The following ZNF287 variants were observed in gnomAD, a reference collection of about 807,000 sequenced individuals.
ZNF287 encodes zinc finger protein 287, also known as zinc finger protein with KRAB and SCAN domains 13.
ZNF287 carries 31 observed loss-of-function variants against 73.7 expected under a neutral mutation model. That is an observed-to-expected ratio of 0.42 (90% CI 0.32 to 0.57). The LOEUF is 0.57. Among genes scored for constraint, ZNF287 ranks in the 20% least tolerant of loss-of-function variants. ZNF287 has a pLI of 0.13. For missense variants in ZNF287, 641 were observed against 909.3 expected (o/e 0.70, Z 3.79); for synonymous variants, 301 against 307.2 (o/e 0.98, Z 0.21).
chr17:16,562,306 A>G (rs543232152), intron 5 of ZNF287, among the ~76,000 whole-genome samples: 14 of 152,338 alleles, frequency 9.2e-5, no homozygotes, highest in African/African-American at 3.4e-4. Context: ...ATATACTTTT[A>G]AGTTAAAAAA....
At chr17:16,566,867 A>T (rs1907775402) in intron 2 of ZNF287, among the ~76,000 whole-genome samples, 1 of 152,180 alleles carries the variant, frequency 6.6e-6, no homozygotes, top group Admixed American at 6.5e-5. Context: ...ATTTTAACTA[A>T]ATCCTTATGT....
intron 3 of ZNF287, among the ~76,000 whole-genome samples, chr17:16,564,403 A>G (rs1342893329): frequency 2.0e-5 from 3 of 151,950 alleles, no homozygotes; most frequent in Non-Finnish European, 2.9e-5. Context: ...GGGTTTTGCT[A>G]TGCCACCCAG....
chr17:16,550,418 GTA>G lies in ZNF287; in HGVS notation c.*1436_*1437del, dbSNP rs1906570844. ...ATTTCATGTTATAGCAATTATCTAT[GTA>G]TGTTTTCCTCACTCCACTAAAATTT... On this transcript the variant is annotated 3_prime_UTR_variant, in exon 6 of 6. Transcript: ENST00000395825. 6.6e-6 allele frequency among the ~76,000 whole-genome samples: 1 copy of G among 151,974 alleles called. No individual in the cohort carries two copies. Among genetic ancestry groups the G allele is most frequent in the East Asian group, 1.9e-4 (1 of 5,198 alleles).
In ZNF287 at chr17:16,550,277, G is replaced by A. The variant is rs555629935; in HGVS notation, c.*1579C>T. 4.6e-5 allele frequency among the ~76,000 whole-genome samples: 7 copies of A among 152,200 alleles called. No individual in the cohort carries two copies. In the East Asian group the frequency reaches 1.4e-3, roughly 29 times the overall value. ...TACTTGTATGTATGAAGGAGTGTCA[G>A]GCTTCCAATTATTCTTTAAAAATCG... is the stretch of plus-strand genomic sequence containing the variant. On this transcript the variant is annotated 3_prime_UTR_variant, in exon 6 of 6. Transcript: ENST00000395825.
At position 16,548,479 on chromosome 17, in the gene ZNF287, C is replaced by T. The variant is rs1906415724; in HGVS notation, c.*3377G>A. Among the ~76,000 whole-genome samples, 1 of 152,092 alleles carries T rather than the reference C, an allele frequency of 6.6e-6. No homozygotes were observed. The highest frequency in any genetic ancestry group is 1.5e-5 in the Non-Finnish European group (1 of 68,022). Reference sequence around the variant, plus strand: ...TGAATCCTGAACATGAGACATTTTTCAAGACAACTGACCTGCTCTCTTAAA... The same window carrying T: ...TGAATCCTGAACATGAGACATTTTTTAAGACAACTGACCTGCTCTCTTAAA... On this transcript the variant is annotated 3_prime_UTR_variant, in exon 6 of 6. Transcript: ENST00000395825.
chr17:16,555,153 T>C (rs1416697105), intron 5 of ZNF287, among the ~76,000 whole-genome samples: 1 of 152,140 alleles, frequency 6.6e-6, no homozygotes, highest in East Asian at 1.9e-4. Context: ...TCATAGAGTA[T>C]ACTTATATGA....
At chr17:16,560,922 G>A (rs949138683) in intron 5 of ZNF287, among the ~76,000 whole-genome samples, 3 of 151,550 alleles carry the variant, frequency 2.0e-5, no homozygotes, top group Non-Finnish European at 4.4e-5. Flanking sequence ...AGAATGGCGT[G>A]AACGTGGAAG....
At chr17:16,555,178 T>G (rs1906961488) in intron 5 of ZNF287, among the ~76,000 whole-genome samples, 1 of 152,116 alleles carries the variant, frequency 6.6e-6, no homozygotes, top group Non-Finnish European at 1.5e-5. Context: ...AGATGATATA[T>G]ATGTATATAT....
In ZNF287 at chr17:16,551,926, T is replaced by C. The variant is rs758458956; in HGVS notation, c.2216A>G (p.Lys739Arg). ...EKPYACRICG[K>R]TFTQSTNLIQ... ...AAGGTTTGTACTCTGGGTGAAGGTT[T>C]TACCACATATACGACATGCATAGGG... Residue 739 changes from lysine (K) to arginine (R), a missense_variant, in exon 6 of 6, where the codon AAA becomes AGA. Lys to Arg is a conservative substitution (Grantham distance 26, BLOSUM62 2). Around this residue, in one of 2 missense-constraint regions of ZNF287, gnomAD observed 284 missense variants for 466.8 expected, o/e 0.61. Transcript: ENST00000395825. 9 of 1,613,948 alleles carry C rather than the reference T, an allele frequency of 5.6e-6. No homozygotes were observed. Among genetic ancestry groups the C allele is most frequent in the South Asian group, 5.5e-5 (5 of 91,064 alleles).
chr17:16,566,631 G>A lies in ZNF287; in HGVS notation c.404-9C>T. The A allele has an allele frequency of 6.2e-7, 1 of 1,603,554 alleles. No individual in the cohort carries two copies. Among genetic ancestry groups the A allele is most frequent in the South Asian group, 1.1e-5 (1 of 90,030 alleles). Reference sequence around the variant, plus strand: ...GGTAGAGTTTTGAGGAGCTAGAGAAGAGAAAGAGGTCATGAGGGAGATTAG... The same window carrying A: ...GGTAGAGTTTTGAGGAGCTAGAGAAAAGAAAGAGGTCATGAGGGAGATTAG... On this transcript the variant is annotated splice_polypyrimidine_tract_variant and intron_variant, in intron 2 of 5. Coordinates refer to ENST00000395825, the MANE Select transcript of ZNF287 (RefSeq NM_020653.4).
At chr17:16,558,606 T>C (rs932325260) in intron 5 of ZNF287, among the ~76,000 whole-genome samples, 20 of 152,182 alleles carry the variant, frequency 1.3e-4, no homozygotes, top group Admixed American at 9.8e-4. Context: ...GGCCATATCA[T>C]ATTTGTCATT....
intron 5 of ZNF287, among the ~76,000 whole-genome samples, chr17:16,556,948 A>G (rs1266912811): frequency 1.3e-5 from 2 of 152,084 alleles, no homozygotes; most frequent in African/African-American, 4.8e-5. Context: ...CCCAAGTTCA[A>G]GCGATTCTCT....
At chr17:16,566,278 C>T (rs1321728901) in intron 3 of ZNF287, among the ~76,000 whole-genome samples, 1 of 152,060 alleles carries the variant, frequency 6.6e-6, no homozygotes, top group South Asian at 2.1e-4. Context: ...AGGTCAATCT[C>T]GTATTCTCTA....
chr17:16,563,783 C>G lies in ZNF287; in HGVS notation c.544G>C (p.Glu182Gln). ...ACAGGACGCATTAACTCCCAGTCCT[C>G]CTGGGTGATGTCTACAGCCACATCT... is the stretch of plus-strand genomic sequence containing the variant. ...FKDVAVDITQ[E>Q]DWELMRPVQK... Residue 182 changes from glutamate (E) to glutamine (Q), a missense_variant, in exon 4 of 6, where the codon GAG becomes CAG. Physicochemically the swap from Glu to Gln is conservative, Grantham distance 29. Coordinates refer to ENST00000395825, the MANE Select transcript of ZNF287 (RefSeq NM_020653.4). 6.2e-7 allele frequency: 1 copy of G among 1,613,888 alleles called. No individual in the cohort carries two copies.
chr17:16,566,864 C>G (rs1437694593), intron 2 of ZNF287, among the ~76,000 whole-genome samples: 12 of 152,198 alleles, frequency 7.9e-5, no homozygotes, highest in Admixed American at 7.9e-4. Context: ...CACATTTTAA[C>G]TAAATCCTTA....
At position 16,550,658 on chromosome 17, in the gene ZNF287, T is replaced by C. The variant is rs16959821; in HGVS notation, c.*1198A>G. Among the ~76,000 whole-genome samples the C allele has an allele frequency of 0.1, 15,853 of 152,192 alleles. 1,782 individuals carry two copies. The highest frequency in any genetic ancestry group is 0.28 in the African/African-American group (11,666 of 41,484). On this transcript the variant is annotated 3_prime_UTR_variant, in exon 6 of 6. Transcript: ENST00000395825. ...TCACTCTAGAAATCTTTCTGTTGTG[T>C]AAACCACCTGTGATTTTCAGCACTG... is the stretch of plus-strand genomic sequence containing the variant.
Position 16,547,825 on chromosome 17 carries a change from G to A in ZNF287, c.*4031C>T, listed in dbSNP as rs1389375946. 6.6e-6 allele frequency among the ~76,000 whole-genome samples: 1 copy of A among 152,140 alleles called. No homozygotes were observed. The highest frequency in any genetic ancestry group is 1.5e-5 in the Non-Finnish European group (1 of 68,032). On this transcript the variant is annotated 3_prime_UTR_variant, in exon 6 of 6. Transcript: ENST00000395825. The stretch of plus-strand genomic sequence containing the variant: ...AAGACTAGAGAGTGAATGTCAAAAG[G>A]ACATAAGAGATACTTGAAGGGCTCC...
chr17:16,553,748 T>C (rs1906858267), intron 5 of ZNF287, among the ~76,000 whole-genome samples: 2 of 152,336 alleles, frequency 1.3e-5, no homozygotes, highest in South Asian at 2.1e-4. Flanking sequence ...GATTAATTTA[T>C]GTAATGTGTT....
At position 16,551,738 on chromosome 17, in the gene ZNF287, T is replaced by C. The variant is rs1245902782; in HGVS notation, c.*118A>G. 6.5e-6 allele frequency: 7 copies of C among 1,077,138 alleles called. No individual in the cohort carries two copies. In the African/African-American group the frequency reaches 9.5e-5, roughly 15 times the overall value. 66.7% of individuals were successfully genotyped at this position (1,077,138 alleles called of 1,614,324 possible). A position where few individuals can be genotyped will look rare whatever the true frequency, so the allele number is the denominator to read the frequency against. ...TCCATACCACTACTTCTGATACTTC[T>C]GCTGAGTATCTAACATATTGCACTT... On this transcript the variant is annotated 3_prime_UTR_variant, in exon 6 of 6. Transcript: ENST00000395825.
Sources: gnomAD v4.1 joint callset for allele counts (sites outside exome capture counted in the v4.1 genomes callset) on GRCh38, gnomAD v4.1.1 for gene constraint, gnomAD v4.1.1 regional missense constraint, MANE v1.5 for transcripts, NCBI Gene and HGNC (gene_info 2026-07-23, HGNC 2026-07-21) for gene names.